Variants in LRP2 observed in about 807,000 individuals in gnomAD.
The protein encoded by LRP2 is low-density lipoprotein receptor-related protein 2.
In LRP2, 172 loss-of-function variants were observed where a neutral mutation model predicts 531.0. The observed-to-expected ratio is 0.32, with a 90% CI of 0.29 to 0.37. The LOEUF is 0.37. Among genes scored for constraint, LRP2 ranks in the 10% least tolerant of loss-of-function variants. The pLI is 1.00. For missense variants in LRP2, 5,167 were observed against 5,868.3 expected, an observed-to-expected ratio of 0.88 and a Z score of 3.90; for synonymous variants, 1,992 against 2,027.6, an observed-to-expected ratio of 0.98 and a Z score of 0.47.
chr2:169,132,227 C>T (rs1237401374), intron 77 of LRP2, among the ~76,000 whole-genome samples: 1 of 152,206 alleles, frequency 6.6e-6, no homozygotes, highest in Non-Finnish European at 1.5e-5. Flanking sequence ...GATCTTTCAT[C>T]TGTATCTTTG....
chr2:169,294,636 C>T lies in LRP2; in HGVS notation c.502G>A (p.Val168Ile), dbSNP rs781611757. 2.5e-6 allele frequency: 4 copies of T among 1,587,398 alleles called. No homozygotes were observed. The highest frequency in any genetic ancestry group is 4.6e-5 in the East Asian group (2 of 43,014). Residue 168 changes from valine to isoleucine, a missense_variant, in exon 5 of 79, where the codon GTT becomes ATT. Val to Ile is a conservative substitution (Grantham distance 29). Around this residue, in one of 6 missense-constraint regions of LRP2, gnomAD observed 2,811 missense variants for 3,058.0 expected, o/e 0.92. Coordinates refer to ENST00000649046, the MANE Select transcript of LRP2 (RefSeq NM_004525.3). The part of the protein sequence containing the change: ...YNTSQKCDWK[V>I]DCRDSSDEIN... ...TCATCTGAGGAGTCCCTGCAATCAA[C>T]TTTCCAATCACACTTCTGACTGGTG...
At chr2:169,154,380 A>G (rs1686256834) in intron 66 of LRP2, 80 bp downstream of exon 66, 5 of 1,344,424 alleles carry the variant, frequency 3.7e-6, no homozygotes, top group Non-Finnish European at 5.3e-6. Flanking sequence ...TCATTAAACA[A>G]TAAATTCCTT....
intron 48 of LRP2, among the ~76,000 whole-genome samples, chr2:169,188,691 C>T (rs13424971): frequency 0.037 from 5,693 of 152,132 alleles, 361 homozygotes; most frequent in African/African-American, 0.13. Context: ...CTATGTTCAA[C>T]AGATAATGAG....
chr2:169,215,582 G>A (rs62172631), intron 35 of LRP2, among the ~76,000 whole-genome samples: 58,085 of 151,108 alleles, frequency 0.38, 11,356 homozygotes, highest in South Asian at 0.6. Context: ...ACCTTGCTAC[G>A]TAAATAAATA....
At chr2:169,284,256 C>CTCTTTTTTTTTTTTTTTTTTTTTTTTT (rs1553508684) in intron 9 of LRP2, among the ~76,000 whole-genome samples, 14 of 96,664 alleles carry the variant, frequency 1.4e-4, no homozygotes, top group East Asian at 2.7e-4. Flanking sequence ...TCTTTTTTTT[C>CTCTTTTTTTTTTTTTTTTTTTTTTTTT]TTTTTTTTTT....
intron 76 of LRP2, among the ~76,000 whole-genome samples, chr2:169,133,462 T>A (rs1012200120): frequency 2.0e-5 from 3 of 152,256 alleles, no homozygotes; most frequent in Non-Finnish European, 4.4e-5. Flanking sequence ...AGTTTTCATA[T>A]CTGTTTATCA....
At chr2:169,242,587 G>A (rs771480290) in intron 24 of LRP2, among the ~76,000 whole-genome samples, 1 of 152,148 alleles carries the variant, frequency 6.6e-6, no homozygotes, top group Non-Finnish European at 1.5e-5. Context: ...ACCATGATAT[G>A]ACTTCTCTAC....
chr2:169,171,766 C>A (rs1017556943), intron 58 of LRP2, among the ~76,000 whole-genome samples: 2 of 152,168 alleles, frequency 1.3e-5, no homozygotes, highest in Non-Finnish European at 2.9e-5. Context: ...ATAAATTCAA[C>A]ACATAAAAGA....
Position 169,139,597 on chromosome 2 carries a change from A to T in LRP2, c.13213T>A (p.Tyr4405Asn), listed in dbSNP as rs1685647016. Residue 4405 changes from tyrosine to asparagine, a missense_variant, in exon 73 of 79, where the codon TAC becomes AAC. Transcript: ENST00000649046. ...GCCATTTCACAATATTTTCCGGTGT[A>T]GCCGCTAGGACACCTGAAAGGAAAA... ...DLPKCKCPSG[Y>N]TGKYCEMAFS... 1.2e-6 allele frequency: 2 copies of T among 1,614,194 alleles called. No homozygotes were observed. Among genetic ancestry groups the T allele is most frequent in the Admixed American group, 1.7e-5 (1 of 60,026 alleles).
Position 169,204,283 on chromosome 2 carries a change from CA to C in LRP2, c.7716-13del, listed in dbSNP as rs754348745. 57 of 1,598,350 alleles carry C rather than the reference CA, an allele frequency of 3.6e-5. No individual in the cohort carries two copies. The highest frequency in any genetic ancestry group is 3.6e-5 in the Non-Finnish European group (42 of 1,173,878). On this transcript the variant is annotated splice_polypyrimidine_tract_variant and intron_variant, in intron 41 of 78. Coordinates refer to ENST00000649046, the MANE Select transcript of LRP2 (RefSeq NM_004525.3). ...GTTCAATCCTCTGCCTAAAATGAAGCAAAAAAAAATTTAGAAGTTGAAATCT... is the reference window on the plus strand; with the variant it reads ...GTTCAATCCTCTGCCTAAAATGAAGCAAAAAAAATTTAGAAGTTGAAATCT...
intron 38 of LRP2, among the ~76,000 whole-genome samples, chr2:169,208,605 C>T (rs563201475): frequency 9.1e-4 from 139 of 152,126 alleles, no homozygotes; most frequent in Non-Finnish European, 1.7e-3. Flanking sequence ...TACAGGCGTA[C>T]GCCACCATGC....
chr2:169,278,089 T>G (rs1001588275), intron 12 of LRP2, 138 bp from the exon 13 acceptor site: 89 of 717,114 alleles, frequency 1.2e-4, no homozygotes, highest in Non-Finnish European at 1.7e-4. Flanking sequence ...ACAGGGAAAT[T>G]AAGTTGTTTT....
At chr2:169,156,450 A>G (rs1288849999) in intron 64 of LRP2, 45 bp from the exon 65 acceptor site, 1 of 1,611,268 alleles carries the variant, frequency 6.2e-7, no homozygotes, top group African/African-American at 1.3e-5. Context: ...GTTCCCATCC[A>G]TTCCTTAGAG....
At chr2:169,286,066 G>C (rs1683849168) in intron 9 of LRP2, among the ~76,000 whole-genome samples, 1 of 152,198 alleles carries the variant, frequency 6.6e-6, no homozygotes, top group Non-Finnish European at 1.5e-5. Flanking sequence ...GCTGAAACAA[G>C]TGTAACTGGT....
chr2:169,134,806 C>T (rs1447353557), intron 76 of LRP2, among the ~76,000 whole-genome samples: 10 of 152,176 alleles, frequency 6.6e-5, no homozygotes, highest in African/African-American at 2.2e-4. Flanking sequence ...TTAATAAAAA[C>T]GCTTCTCAAA....
At chr2:169,345,117 ATCT>A (rs1685663541) in intron 1 of LRP2, among the ~76,000 whole-genome samples, 1 of 152,210 alleles carries the variant, frequency 6.6e-6, no homozygotes, top group Non-Finnish European at 1.5e-5. Context: ...CACTGACTTA[ATCT>A]TCTTTGAAAA....
At position 169,188,087 on chromosome 2, in the gene LRP2, G is replaced by A; in HGVS notation, c.9211C>T (p.Pro3071Ser). 1.9e-6 allele frequency: 3 copies of A among 1,614,104 alleles called. No homozygotes were observed. In the African/African-American group the frequency reaches 4.0e-5, roughly 22 times the overall value. Residue 3071 changes from proline to serine, a missense_variant, in exon 49 of 79, where the codon CCA becomes TCA. Pro to Ser is a moderately conservative substitution (Grantham distance 74). Coordinates refer to ENST00000649046, the MANE Select transcript of LRP2 (RefSeq NM_004525.3). ...SDELMHLCHT[P>S]EPTCPPHEFK... ...TCGTGAGGTGGACACGTGGGTTCTGGGGTGTGGCACAGGTGCATCAGCTCA... is the reference window on the plus strand; with the variant it reads ...TCGTGAGGTGGACACGTGGGTTCTGAGGTGTGGCACAGGTGCATCAGCTCA...
chr2:169,203,096 C>A (rs777616350), intron 42 of LRP2, 137 bp from the exon 43 acceptor site: 31 of 689,534 alleles, frequency 4.5e-5, no homozygotes, highest in East Asian at 1.2e-4. Flanking sequence ...GCCCATTAAC[C>A]TTTTAACTAT....
chr2:169,228,629 A>G (rs1689286966), intron 31 of LRP2, among the ~76,000 whole-genome samples: 1 of 152,140 alleles, frequency 6.6e-6, no homozygotes, highest in Non-Finnish European at 1.5e-5. Flanking sequence ...CTCTTCCCTT[A>G]AGCACCACCC....
Sources: gnomAD v4.1 joint callset for allele counts (sites outside exome capture counted in the v4.1 genomes callset) on GRCh38, gnomAD v4.1.1 for gene constraint, gnomAD v4.1.1 regional missense constraint, MANE v1.5 for transcripts, NCBI Gene and HGNC (gene_info 2026-07-23, HGNC 2026-07-21) for gene names.